DNAH6: variants seen among roughly 807,000 people sequenced by gnomAD.
DNAH6 encodes axonemal beta dynein heavy chain 6.
Under a neutral mutation model 491.4 loss-of-function variants are expected in DNAH6, and 340 were observed. The observed-to-expected ratio is 0.69, with a 90% CI of 0.63 to 0.76. The LOEUF (loss-of-function observed/expected upper bound fraction) is 0.76. Ranked by LOEUF, DNAH6 falls within the 30% of genes least tolerant of loss-of-function variation. The pLI, the probability that DNAH6 is intolerant of heterozygous loss-of-function variation, is 0.00. For missense variants in DNAH6, 4,443 were observed against 4,972.2 expected (o/e 0.89, Z 3.20); for synonymous variants, 1,603 against 1,686.1 (o/e 0.95, Z 1.21).
chr2:84,803,851 A>G (rs949447463), intron 70 of DNAH6, among the ~76,000 whole-genome samples: 1 of 152,192 alleles, frequency 6.6e-6, no homozygotes, highest in African/African-American at 2.4e-5. Flanking sequence ...TACTTAATCT[A>G]TCATTTAAAG....
chr2:84,512,866 T>G (rs1288369470), upstream of DNAH6, among the ~76,000 whole-genome samples: 1 of 152,232 alleles, frequency 6.6e-6, no homozygotes, highest in Admixed American at 6.5e-5. Context: ...TAACCTATCC[T>G]GTTTTTGAAT....
intron 67 of DNAH6, among the ~76,000 whole-genome samples, 199 bp from the exon 68 acceptor site, chr2:84,786,965 T>C (rs1677260288): frequency 6.6e-6 from 1 of 152,186 alleles, no homozygotes; most frequent in African/African-American, 2.4e-5. Context: ...TTTGGAAATA[T>C]GGGGAGGAGC....
chr2:84,547,246 A>G, intron 5 of DNAH6, 22 bp from the exon 6 acceptor site: 4 of 1,490,858 alleles, frequency 2.7e-6, no homozygotes, highest in Non-Finnish European at 3.6e-6. Flanking sequence ...TTACTAAATA[A>G]TAAATTCCTA....
chr2:84,713,906 T>A (rs371429976), intron 57 of DNAH6, among the ~76,000 whole-genome samples: 1 of 152,180 alleles, frequency 6.6e-6, no homozygotes, highest in Admixed American at 6.5e-5. Context: ...TGAGTGGAGC[T>A]GTGTGAGCTC....
intron 46 of DNAH6, among the ~76,000 whole-genome samples, chr2:84,696,170 A>G (rs1431748543): frequency 6.6e-6 from 1 of 151,822 alleles, no homozygotes; most frequent in East Asian, 1.9e-4. Flanking sequence ...GCTATATACT[A>G]TATTTCATAT....
chr2:84,655,680 A>G (rs1247795961), intron 35 of DNAH6, among the ~76,000 whole-genome samples: 1 of 152,140 alleles, frequency 6.6e-6, no homozygotes, highest in Non-Finnish European at 1.5e-5. Flanking sequence ...AAAAATTAAC[A>G]GACATTTTTG....
intron 16 of DNAH6, among the ~76,000 whole-genome samples, chr2:84,590,170 A>G (rs1683965574): frequency 6.6e-6 from 1 of 152,108 alleles, no homozygotes; most frequent in South Asian, 2.1e-4. Flanking sequence ...TGTAGTAAGG[A>G]GCAAGGTATG....
At chr2:84,816,160 T>A in intron 76 of DNAH6, 77 bp downstream of exon 76, 1 of 1,210,788 alleles carries the variant, frequency 8.3e-7, no homozygotes, top group Non-Finnish European at 1.2e-6. Context: ...TAAGCTGTGA[T>A]TGGCTCAAGA....
intron 76 of DNAH6, among the ~76,000 whole-genome samples, chr2:84,817,812 G>C (rs1680637432): frequency 6.6e-6 from 1 of 152,154 alleles, no homozygotes; most frequent in Admixed American, 6.5e-5. Context: ...TGGCAAGAGA[G>C]GAAGTAGGCA....
chr2:84,570,469 T>C (rs1257986780), intron 11 of DNAH6, among the ~76,000 whole-genome samples: 1 of 152,032 alleles, frequency 6.6e-6, no homozygotes, highest in East Asian at 1.9e-4. Context: ...CAGCACTCTG[T>C]AAAAACGCAC....
chr2:84,775,624 T>G (rs1676046047), intron 64 of DNAH6, among the ~76,000 whole-genome samples: 2 of 152,214 alleles, frequency 1.3e-5, no homozygotes, highest in Non-Finnish European at 2.9e-5. Context: ...AATTCCACTG[T>G]GAATCTTTCT....
chr2:84,724,158 C>T (rs1264323769), intron 60 of DNAH6, among the ~76,000 whole-genome samples: 1 of 152,362 alleles, frequency 6.6e-6, no homozygotes, highest in East Asian at 1.9e-4. Flanking sequence ...TGACACAACT[C>T]AGCCAACGAA....
At chr2:84,508,293 T>C in the DNAH6 span, among the ~76,000 whole-genome samples, 1 of 152,238 alleles carries the variant, frequency 6.6e-6, no homozygotes, top group African/African-American at 2.4e-5. Flanking sequence ...GGTTTAGTCT[T>C]GGGAGAGTGT....
At chr2:84,666,721 C>T (rs1232431011) in intron 37 of DNAH6, among the ~76,000 whole-genome samples, 1 of 152,150 alleles carries the variant, frequency 6.6e-6, no homozygotes, top group Non-Finnish European at 1.5e-5. Context: ...CTACCAATGA[C>T]TTTCTTCACA....
chr2:84,624,865 G>T, intron 28 of DNAH6, 37 bp from the exon 29 acceptor site: 2 of 1,502,490 alleles, frequency 1.3e-6, no homozygotes, highest in East Asian at 2.5e-5. Context: ...GGCCAGAGTT[G>T]GTTCCCTTCA....
Position 84,805,735 on chromosome 2 carries a change from G to C in DNAH6, c.11552G>C (p.Gly3851Ala). 1.3e-6 allele frequency: 2 copies of C among 1,551,666 alleles called. No homozygotes were observed. The highest frequency in any genetic ancestry group is 2.4e-5 in the East Asian group (1 of 40,900). The change falls in exon 71 of 77, where the codon GGA becomes GCA. Residue 3851 changes from glycine to alanine, a missense_variant. Physicochemically the swap from Gly to Ala is moderately conservative, Grantham distance 60. Coordinates refer to ENST00000389394, the MANE Select transcript of DNAH6 (RefSeq NM_001370.2). ...CCAAGGTCATCTACTGGTGGAGAGG[G>C]AAAAAGCAATGACGAAATTGTTCAA... ...VQPRSSTGGE[G>A]KSNDEIVQEL... is the part of the protein sequence containing the mutation.
At chr2:84,777,141 T>C (rs553396897) in intron 64 of DNAH6, 1 of 163,548 alleles carries the variant, frequency 6.1e-6, no homozygotes, top group African/African-American at 2.4e-5. Flanking sequence ...ATATACCCAA[T>C]GTAAATGACG....
intron 64 of DNAH6, chr2:84,777,945 C>G (rs913735867): frequency 6.0e-6 from 6 of 1,003,872 alleles, no homozygotes; most frequent in Non-Finnish European, 9.6e-6. Context: ...CTTTCTCCCT[C>G]TTGCTCACAT....
chr2:84,819,443 C>A lies in DNAH6; in HGVS notation c.*35C>A. ...ACCTCAGCCCTGAAAAAGAACCAGG[C>A]CAGAGATCTTTCCTAATGGGAGCAA... On this transcript the variant is annotated 3_prime_UTR_variant, in exon 77 of 77. Transcript: ENST00000389394. 2 of 1,401,816 alleles carry A rather than the reference C, an allele frequency of 1.4e-6. No individual in the cohort carries two copies. Among genetic ancestry groups the A allele is most frequent in the Non-Finnish European group, 2.0e-6 (2 of 1,019,896 alleles). 86.8% of individuals were successfully genotyped at this position (1,401,816 alleles called of 1,614,324 possible). A position where few individuals can be genotyped will look rare whatever the true frequency, so the allele number is the denominator to read the frequency against.
Sources: allele counts gnomAD v4.1 joint callset (sites outside exome capture counted in the v4.1 genomes callset), GRCh38; gene constraint gnomAD v4.1.1; transcripts MANE v1.5; gene names NCBI Gene and HGNC (gene_info 2026-07-23, HGNC 2026-07-21).